The following BLTP3B variants were observed in gnomAD, a reference collection of about 807,000 sequenced individuals.
The protein encoded by BLTP3B is UHRF1 (ICBP90) binding protein 1-like.
chr12:100,130,982 GGAGAGAGAGAGAGAGAGA>G, the BLTP3B span, among the ~76,000 whole-genome samples: 7,085 of 62,236 alleles, frequency 0.11, 194 homozygotes, highest in Middle Eastern at 0.2. Context: ...AGAGAGGGAG[GGAGAGAGAGAGAGAGAGA>G]GAGAGAGAGA....
the BLTP3B span, among the ~76,000 whole-genome samples, chr12:100,108,229 C>CAT: frequency 6.6e-6 from 1 of 152,124 alleles, no homozygotes; most frequent in Non-Finnish European, 1.5e-5. Context: ...ATAAGGCACA[C>CAT]ATTTATGCAA....
the BLTP3B span, among the ~76,000 whole-genome samples, chr12:100,132,942 G>A: frequency 6.6e-6 from 1 of 150,802 alleles, no homozygotes; most frequent in Non-Finnish European, 1.5e-5. Flanking sequence ...AGTAAACTCT[G>A]TCTCAAAAAT....
At chr12:100,085,646 G>T in the BLTP3B span, among the ~76,000 whole-genome samples, 1 of 152,164 alleles carries the variant, frequency 6.6e-6, no homozygotes, top group Admixed American at 6.5e-5. Context: ...TAAATGTCCT[G>T]GAAAACTCTA....
the BLTP3B span, chr12:100,128,749 G>A: frequency 7.9e-7 from 1 of 1,268,910 alleles, no homozygotes. Flanking sequence ...GTACACAGGG[G>A]ACACAGAAGG....
At chr12:100,068,827 T>C in the BLTP3B span, among the ~76,000 whole-genome samples, 1 of 152,096 alleles carries the variant, frequency 6.6e-6, no homozygotes, top group Non-Finnish European at 1.5e-5. Flanking sequence ...AGAAAGGCCA[T>C]AATCAAAAAA....
the BLTP3B span, among the ~76,000 whole-genome samples, chr12:100,124,975 TATA>T: frequency 5.0e-5 from 5 of 99,848 alleles, no homozygotes; most frequent in African/African-American, 3.2e-4. Flanking sequence ...TATATATATA[TATA>T]TTTATATTTA....
chr12:100,141,284 G>C, the BLTP3B span, among the ~76,000 whole-genome samples: 4 of 149,942 alleles, frequency 2.7e-5, no homozygotes, highest in Non-Finnish European at 6.0e-5. Context: ...GGGAGTTCAA[G>C]ACCAGCCTGG....
At chr12:100,061,190 G>A in the BLTP3B span, among the ~76,000 whole-genome samples, 35 of 152,316 alleles carry the variant, frequency 2.3e-4, no homozygotes, top group African/African-American at 8.2e-4. Flanking sequence ...TGCAGAGACT[G>A]CATCACACTC....
chr12:100,089,509 G>A, the BLTP3B span, among the ~76,000 whole-genome samples: 1 of 152,086 alleles, frequency 6.6e-6, no homozygotes, highest in Non-Finnish European at 1.5e-5. Flanking sequence ...GCAGTGAGCT[G>A]AGACCGTGCC....
At chr12:100,085,522 GA>G in the BLTP3B span, among the ~76,000 whole-genome samples, 19 of 149,668 alleles carry the variant, frequency 1.3e-4, no homozygotes, top group East Asian at 3.9e-4. Flanking sequence ...AATTTAAAAT[GA>G]AAAAAAAATC....
At chr12:100,054,573 A>AGGTAGGATTTTAAATCATAAAGGGG in the BLTP3B span, among the ~76,000 whole-genome samples, 1 of 152,276 alleles carries the variant, frequency 6.6e-6, no homozygotes, top group South Asian at 2.1e-4. Flanking sequence ...TCCTCTATTA[A>AGGTAGGATTTTAAATCATAAAGGGG]GGTAGGATTT....
the BLTP3B span, chr12:100,051,042 A>G: frequency 6.2e-7 from 1 of 1,604,924 alleles, no homozygotes. Flanking sequence ...AGTTGGTGGC[A>G]TTTATCTTCA....
chr12:100,075,313 CCTT>C, the BLTP3B span, among the ~76,000 whole-genome samples: 364 of 151,914 alleles, frequency 2.4e-3, 2 homozygotes, highest in African/African-American at 8.3e-3. Context: ...CCCGGCTACA[CCTT>C]CTACTATATA....
At chr12:100,113,198 G>A in the BLTP3B span, among the ~76,000 whole-genome samples, 5 of 149,176 alleles carry the variant, frequency 3.4e-5, no homozygotes, top group East Asian at 4.0e-4. Context: ...CATCTCGGCC[G>A]GGTGCGGTGG....
the BLTP3B span, among the ~76,000 whole-genome samples, chr12:100,055,538 G>T: frequency 6.6e-6 from 1 of 151,724 alleles, no homozygotes; most frequent in Non-Finnish European, 1.5e-5. Flanking sequence ...TTAGCTAGGC[G>T]TGGTGGTGGG....
the BLTP3B span, chr12:100,084,502 T>C: frequency 6.2e-7 from 1 of 1,613,712 alleles, no homozygotes; most frequent in East Asian, 2.2e-5. Flanking sequence ...GGGAGAGGCA[T>C]GTGTTGGGGA....
At chr12:100,069,135 C>T in the BLTP3B span, among the ~76,000 whole-genome samples, 1 of 151,998 alleles carries the variant, frequency 6.6e-6, no homozygotes, top group African/African-American at 2.4e-5. Flanking sequence ...TCGCTTGAAC[C>T]CAGGAAGTGG....
At chr12:100,092,449 C>G in the BLTP3B span, among the ~76,000 whole-genome samples, 1 of 152,180 alleles carries the variant, frequency 6.6e-6, no homozygotes, top group Non-Finnish European at 1.5e-5. Flanking sequence ...TGCCCACTAA[C>G]TACAACTAGG....
At chr12:100,103,882 T>C in the BLTP3B span, 9 of 1,562,228 alleles carry the variant, frequency 5.8e-6, no homozygotes, top group Non-Finnish European at 7.8e-6. Context: ...TATATATAAA[T>C]GTTTATTTCT....
Sources: gnomAD v4.1 joint callset for allele counts (sites outside exome capture counted in the v4.1 genomes callset) on GRCh38, gnomAD v4.1.1 for gene constraint, MANE v1.5 for transcripts, NCBI Gene and HGNC (gene_info 2026-07-23, HGNC 2026-07-21) for gene names.